Variants in PACRGL observed in about 807,000 individuals in gnomAD.
PACRGL encodes parkin coregulated like, also known as PACRG-like protein.
In PACRGL, 38 loss-of-function variants were observed where a neutral mutation model predicts 34.5. The observed-to-expected ratio is 1.10, with a 90% CI of 0.85 to 1.44. The LOEUF is 1.44. PACRGL is among the 40% of genes most tolerant of loss of function. PACRGL has a pLI of 0.00. For missense variants in PACRGL, 305 were observed against 281.4 expected (o/e 1.08, Z -0.60); for synonymous variants, 128 against 100.1 (o/e 1.28, Z -1.66).
chr4:20,761,170 C>T, the PACRGL span, among the ~76,000 whole-genome samples: 2 of 152,042 alleles, frequency 1.3e-5, no homozygotes, highest in Non-Finnish European at 2.9e-5. Context: ...CCTTGTTCAC[C>T]AGCACCCTGC....
At chr4:20,698,823 A>T (rs974690211), upstream of PACRGL, among the ~76,000 whole-genome samples, 2 of 152,160 alleles carry the variant, frequency 1.3e-5, no homozygotes, top group African/African-American at 4.8e-5. Flanking sequence ...CGTTAGTCTT[A>T]ATTTGCTTTC....
Position 20,732,207 on chromosome 4 carries a change from A to C in PACRGL, c.*4866A>C, listed in dbSNP as rs1412466702. The stretch of plus-strand genomic sequence containing the variant: ...GTGGAGGAACTGTTTCAGAGCAGGA[A>C]CCAGCAGTTTTTTAGAGATAAAAAT... On this transcript the variant is annotated 3_prime_UTR_variant, in exon 9 of 9. Transcript: ENST00000503585. 7.8e-6 allele frequency: 5 copies of C among 639,088 alleles called. No homozygotes were observed. Among genetic ancestry groups the C allele is most frequent in the Non-Finnish European group, 1.4e-5 (5 of 369,388 alleles). The allele number at this position is 639,088 out of a possible 1,614,324, so 39.6% of individuals were successfully genotyped here. A position where few individuals can be genotyped will look rare whatever the true frequency, so the allele number is the denominator to read the frequency against.
In PACRGL at chr4:20,729,523, C is replaced by T. The variant is rs1366648296; in HGVS notation, c.*2182C>T. On this transcript the variant is annotated 3_prime_UTR_variant, in exon 9 of 9. Coordinates refer to ENST00000503585, the MANE Select transcript of PACRGL (RefSeq NM_001258345.3). The stretch of plus-strand genomic sequence containing the variant: ...AAATGTTTAAAAATGCCAGATAAAA[C>T]TAATTTCTAACAGAAGGTGGGAAGG... The T allele has an allele frequency of 7.6e-6, 1 of 130,764 alleles. No individual in the cohort carries two copies. Among genetic ancestry groups the T allele is most frequent in the Non-Finnish European group, 1.7e-5 (1 of 57,590 alleles). The allele number at this position is 130,764 out of a possible 1,614,324, so 8.1% of individuals were successfully genotyped here.
chr4:20,722,378 C>T (rs552033025), intron 7 of PACRGL, among the ~76,000 whole-genome samples: 8 of 152,332 alleles, frequency 5.3e-5, no homozygotes, highest in Admixed American at 3.3e-4. Context: ...CCCGGTACCT[C>T]AGTTGGAAAT....
chr4:20,731,086 C>CT lies in PACRGL; in HGVS notation c.*3752dup, dbSNP rs937371437. 2.6e-5 allele frequency among the ~76,000 whole-genome samples: 4 copies of CT among 151,992 alleles called. No individual in the cohort carries two copies. The highest frequency in any genetic ancestry group is 1.3e-4 in the Admixed American group (2 of 15,250). On this transcript the variant is annotated 3_prime_UTR_variant, in exon 9 of 9. Transcript: ENST00000503585. ...GGATTATTTGAAAAATTCTTTTTTT[C>CT]TTTTTTTAGTTTTGAGGCAGAGTCT...
chr4:20,725,519 G>T (rs543679292), intron 8 of PACRGL, among the ~76,000 whole-genome samples: 3 of 152,148 alleles, frequency 2.0e-5, no homozygotes, highest in African/African-American at 7.2e-5. Context: ...GAAGCATTCA[G>T]ATAATCTCGT....
At chr4:20,708,965 TA>T (rs35039845) in intron 4 of PACRGL, among the ~76,000 whole-genome samples, 10,157 of 140,644 alleles carry the variant, frequency 0.072, 447 homozygotes, top group Middle Eastern at 0.12. Context: ...CATCTCTACT[TA>T]AAAAAAAAAA....
chr4:20,729,983 T>C lies in PACRGL; in HGVS notation c.*2642T>C. Reference sequence around the variant, plus strand: ...AGCTTGTTTGCATAATATGCTTCAGTGTCAAGCTGAGCAATCTATGCTAAA... The same window carrying C: ...AGCTTGTTTGCATAATATGCTTCAGCGTCAAGCTGAGCAATCTATGCTAAA... On this transcript the variant is annotated 3_prime_UTR_variant, in exon 9 of 9. Transcript: ENST00000503585. 1 of 1,366,714 alleles carries C rather than the reference T, an allele frequency of 7.3e-7. No individual in the cohort carries two copies. The highest frequency in any genetic ancestry group is 2.0e-4 in the Middle Eastern group (1 of 4,904). 84.7% of individuals were successfully genotyped at this position (1,366,714 alleles called of 1,614,324 possible). A position where few individuals can be genotyped will look rare whatever the true frequency, so the allele number is the denominator to read the frequency against.
At chr4:20,765,235 A>G in the PACRGL span, among the ~76,000 whole-genome samples, 2 of 152,312 alleles carry the variant, frequency 1.3e-5, no homozygotes, top group South Asian at 2.1e-4. Context: ...CTCTGACTCC[A>G]TGAATTGCAA....
chr4:20,730,251 A>C lies in PACRGL; in HGVS notation c.*2910A>C, dbSNP rs1446053763. ...TCAACCACCTATGCCAAAAGCTCAA[A>C]TATTAAGTGTTTGCAAATGTAAATG... On this transcript the variant is annotated 3_prime_UTR_variant, in exon 9 of 9. Transcript: ENST00000503585. 1.6e-6 allele frequency: 2 copies of C among 1,243,096 alleles called. No homozygotes were observed. Among genetic ancestry groups the C allele is most frequent in the Admixed American group, 2.9e-5 (1 of 34,732 alleles). 77.0% of individuals were successfully genotyped at this position (1,243,096 alleles called of 1,614,324 possible). A position where few individuals can be genotyped will look rare whatever the true frequency, so the allele number is the denominator to read the frequency against.
intron 1 of PACRGL, 101 bp from the exon 2 acceptor site, chr4:20,704,363 CTT>C: frequency 9.4e-7 from 1 of 1,063,960 alleles, no homozygotes; most frequent in South Asian, 1.6e-5. Flanking sequence ...TTTTGTGTGT[CTT>C]TTACTGTATT....
At chr4:20,717,724 C>T (rs1303420285) in intron 7 of PACRGL, among the ~76,000 whole-genome samples, 5 of 152,190 alleles carry the variant, frequency 3.3e-5, no homozygotes, top group African/African-American at 7.2e-5. Flanking sequence ...CCATGCTGTT[C>T]TGGTTACTGT....
intron 3 of PACRGL, among the ~76,000 whole-genome samples, chr4:20,707,036 A>G (rs985680807): frequency 2.0e-5 from 3 of 152,204 alleles, no homozygotes; most frequent in Non-Finnish European, 4.4e-5. Context: ...ATCTAGTTAT[A>G]TCTTTAAAAC....
At chr4:20,725,767 A>G (rs936252821) in intron 8 of PACRGL, among the ~76,000 whole-genome samples, 4 of 151,918 alleles carry the variant, frequency 2.6e-5, no homozygotes, top group African/African-American at 9.7e-5. Flanking sequence ...TTGATTGATT[A>G]TATTCTTTCC....
Position 20,732,214 on chromosome 4 carries a change from G to T in PACRGL, c.*4873G>T, listed in dbSNP as rs1376857566. 6.4e-6 allele frequency: 4 copies of T among 620,638 alleles called. No homozygotes were observed. The East Asian group carries it at 1.1e-4, about 17-fold the overall frequency. The allele number at this position is 620,638 out of a possible 1,614,324, so 38.4% of individuals were successfully genotyped here. On this transcript the variant is annotated 3_prime_UTR_variant, in exon 9 of 9. Transcript: ENST00000503585. ...AACTGTTTCAGAGCAGGAACCAGCA[G>T]TTTTTTAGAGATAAAAATGATAGGG...
chr4:20,709,627 C>A, intron 4 of PACRGL, 56 bp from the exon 5 acceptor site: 2 of 1,146,666 alleles, frequency 1.7e-6, no homozygotes, highest in South Asian at 1.4e-5. Context: ...TAGATTATCC[C>A]TGCTTAATAT....
downstream of PACRGL, chr4:20,732,742 T>G: frequency 6.2e-7 from 1 of 1,612,798 alleles, no homozygotes; most frequent in South Asian, 1.1e-5. Context: ...ATATGTACAT[T>G]TACCCATCAT....
In PACRGL at chr4:20,707,854, G is replaced by GGA; in HGVS notation, c.261_262dup (p.Gly88GlufsTer12). On this transcript the variant is annotated frameshift_variant, in exon 4 of 9. Coordinates refer to ENST00000503585, the MANE Select transcript of PACRGL (RefSeq NM_001258345.3). LOFTEE classifies it high-confidence loss of function. ...TGCATTTGCAGCTATTTACTCTAAA[G>GGA]GAGGTATTCCTTGCAGGTAAAATCA... The GGA allele has an allele frequency of 6.2e-7, 1 of 1,613,048 alleles. No individual in the cohort carries two copies. The highest frequency in any genetic ancestry group is 8.5e-7 in the Non-Finnish European group (1 of 1,179,148).
intron 7 of PACRGL, among the ~76,000 whole-genome samples, chr4:20,714,139 C>T (rs1016809772): frequency 1.3e-5 from 2 of 152,062 alleles, no homozygotes; most frequent in South Asian, 2.1e-4. Context: ...GTCGAAATCT[C>T]TTTGTAGGTC....
Sources: gnomAD v4.1 joint callset for allele counts (sites outside exome capture counted in the v4.1 genomes callset) on GRCh38, gnomAD v4.1.1 for gene constraint, MANE v1.5 for transcripts, NCBI Gene and HGNC (gene_info 2026-07-23, HGNC 2026-07-21) for gene names.